The following IFT88 variants were observed in gnomAD, a reference collection of about 807,000 sequenced individuals.
IFT88 encodes intraflagellar transport protein 88 homolog.
Under a neutral mutation model 119.5 loss-of-function variants are expected in IFT88, and 74 were observed. The observed-to-expected ratio is 0.62, with a 90% confidence interval of 0.51 to 0.75. The LOEUF (loss-of-function observed/expected upper bound fraction) is 0.75, where lower values mean the gene tolerates loss of function less well. IFT88 is among the 30% of genes least tolerant of loss of function. The pLI is 0.00. For synonymous variants in IFT88, 279 were observed against 316.7 expected (o/e 0.88, Z 1.26); for missense variants, 961 against 977.7 (o/e 0.98, Z 0.23).
chr13:20,659,648 CTT>C (rs34185259), intron 22 of IFT88, among the ~76,000 whole-genome samples: 1,651 of 137,954 alleles, frequency 0.012, 26 homozygotes, highest in African/African-American at 0.037. Context: ...ACTTTATGGT[CTT>C]TTTTTTTTTT....
intron 19 of IFT88, 81 bp downstream of exon 19, chr13:20,643,686 T>A: frequency 1.1e-6 from 1 of 871,046 alleles, no homozygotes; most frequent in Non-Finnish European, 1.8e-6. Flanking sequence ...CTTTAAAATT[T>A]TAGAAGATCT....
intron 2 of IFT88, among the ~76,000 whole-genome samples, chr13:20,582,015 T>A (rs2038779095): frequency 6.6e-6 from 1 of 152,202 alleles, no homozygotes; most frequent in Non-Finnish European, 1.5e-5. Flanking sequence ...CTTTATTTTT[T>A]TTTGTATTGT....
In IFT88 at chr13:20,691,063, A is replaced by T. The variant is rs773696145; in HGVS notation, c.2363A>T (p.Tyr788Phe). ...TCTCTTCGAAACCTAGATGCCTCCT[A>T]TGTGGACCCACTTGGCCCTCAAATA... ...SSSNKEIDAS[Y>F]VDPLGPQIER... Residue 788 changes from tyrosine to phenylalanine, a missense_variant, in exon 26 of 26, where the codon TAT becomes TTT. By Grantham distance (22) the Tyr-to-Phe change is conservative. Transcript: ENST00000351808. The T allele has an allele frequency of 2.5e-6, 4 of 1,613,948 alleles. No homozygotes were observed. Among genetic ancestry groups the T allele is most frequent in the Non-Finnish European group, 3.4e-6 (4 of 1,179,912 alleles).
chr13:20,687,780 C>A (rs1022033468), intron 24 of IFT88, among the ~76,000 whole-genome samples: 7 of 151,960 alleles, frequency 4.6e-5, no homozygotes, highest in Non-Finnish European at 1.0e-4. Context: ...AAAAAAACTT[C>A]AAAAATGCAC....
At chr13:20,591,309 C>G (rs1421419993) in intron 5 of IFT88, among the ~76,000 whole-genome samples, 2 of 152,088 alleles carry the variant, frequency 1.3e-5, no homozygotes, top group African/African-American at 2.4e-5. Context: ...TTCCTGTTAC[C>G]ATTTACAACA....
At chr13:20,685,840 A>G (rs956680750) in intron 24 of IFT88, among the ~76,000 whole-genome samples, 1 of 152,256 alleles carries the variant, frequency 6.6e-6, no homozygotes, top group South Asian at 2.1e-4. Context: ...AGATTGCGCC[A>G]CTGCGCTCTA....
At chr13:20,659,936 C>G (rs2053518385) in intron 22 of IFT88, among the ~76,000 whole-genome samples, 1 of 152,202 alleles carries the variant, frequency 6.6e-6, no homozygotes, top group African/African-American at 2.4e-5. Context: ...GCCACCGCGC[C>G]TGGTCTACTT....
chr13:20,591,012 G>T lies in IFT88; in HGVS notation c.256G>T (p.Ala86Ser). ...ATCAATAGGAAGACCAATGACAGGG[G>T]CTATTCAGGTATCTCTATTGGATGC... ...ASSIGRPMTG[A>S]IQDGVTRPMT... The change falls in exon 5 of 26, where the codon GCT (alanine) becomes TCT (serine). Residue 86 changes from alanine (A) to serine (S), a missense_variant. Transcript: ENST00000351808. 1 of 1,608,360 alleles carries T rather than the reference G, an allele frequency of 6.2e-7. No homozygotes were observed. Among genetic ancestry groups the T allele is most frequent in the Non-Finnish European group, 8.5e-7 (1 of 1,176,326 alleles).
chr13:20,615,425 C>T (rs931897023), intron 13 of IFT88, among the ~76,000 whole-genome samples: 45 of 152,256 alleles, frequency 3.0e-4, no homozygotes, highest in African/African-American at 1.0e-3. Context: ...TACTCTTTAC[C>T]ACACACAATT....
chr13:20,654,436 T>G (rs1468965400), intron 21 of IFT88, among the ~76,000 whole-genome samples: 1 of 152,230 alleles, frequency 6.6e-6, no homozygotes, highest in African/African-American at 2.4e-5. Flanking sequence ...TCCTGAAGGA[T>G]AGAGATGCTA....
At chr13:20,611,626 A>G (rs2044553300) in intron 13 of IFT88, among the ~76,000 whole-genome samples, 3 of 149,088 alleles carry the variant, frequency 2.0e-5, no homozygotes, top group South Asian at 4.5e-4. Context: ...GTTTTCTGAG[A>G]TGGAATCTTG....
intron 3 of IFT88, among the ~76,000 whole-genome samples, chr13:20,583,867 C>T (rs35582377): frequency 2.6e-3 from 398 of 152,286 alleles, no homozygotes; most frequent in Non-Finnish European, 4.2e-3. Flanking sequence ...TCTCCCAACA[C>T]TATTTGCTGT....
chr13:20,665,926 G>C (rs1381958344), intron 23 of IFT88, among the ~76,000 whole-genome samples: 1 of 152,202 alleles, frequency 6.6e-6, no homozygotes, highest in Non-Finnish European at 1.5e-5. Flanking sequence ...TGTGGGCAGA[G>C]GTCTGAGGAC....
At chr13:20,584,934 A>T (rs989159121) in intron 3 of IFT88, among the ~76,000 whole-genome samples, 1 of 152,226 alleles carries the variant, frequency 6.6e-6, no homozygotes, top group Non-Finnish European at 1.5e-5. Context: ...GCAGCCAGAG[A>T]TGCTGCTAAC....
chr13:20,575,520 G>A (rs1319388324), intron 2 of IFT88, among the ~76,000 whole-genome samples: 1 of 152,154 alleles, frequency 6.6e-6, no homozygotes. Flanking sequence ...GTGAGACCTG[G>A]TGGGAGGCGA....
intron 24 of IFT88, among the ~76,000 whole-genome samples, chr13:20,689,462 A>G (rs1408021815): frequency 1.3e-5 from 2 of 152,204 alleles, no homozygotes; most frequent in African/African-American, 2.4e-5. Context: ...AGGCATTTCC[A>G]TCTTATCTCT....
At chr13:20,616,898 G>A (rs1344043794) in intron 14 of IFT88, among the ~76,000 whole-genome samples, 1 of 151,976 alleles carries the variant, frequency 6.6e-6, no homozygotes, top group Non-Finnish European at 1.5e-5. Context: ...GACCACTGTT[G>A]TCTATGTGGT....
At chr13:20,624,670 T>A (rs573278105) in intron 14 of IFT88, among the ~76,000 whole-genome samples, 30 of 152,262 alleles carry the variant, frequency 2.0e-4, no homozygotes, top group African/African-American at 7.0e-4. Flanking sequence ...TCTCTCTCTC[T>A]CACACACAAC....
intron 14 of IFT88, among the ~76,000 whole-genome samples, chr13:20,622,911 G>A (rs2046761494): frequency 6.6e-6 from 1 of 152,170 alleles, no homozygotes; most frequent in Non-Finnish European, 1.5e-5. Context: ...CTAATGTCAT[G>A]AAGCTTTTGC....
Sources: allele counts gnomAD v4.1 joint callset (sites outside exome capture counted in the v4.1 genomes callset), GRCh38; gene constraint gnomAD v4.1.1; transcripts MANE v1.5; gene names NCBI Gene and HGNC (gene_info 2026-07-23, HGNC 2026-07-21).